Variants in TMEM132B observed in about 807,000 individuals in gnomAD.
TMEM132B encodes transmembrane protein 132B.
TMEM132B carries 18 observed loss-of-function variants against 90.8 expected under a neutral mutation model. The ratio of observed to expected loss-of-function variants is 0.20; its 90% CI spans 0.14 to 0.29. The LOEUF (loss-of-function observed/expected upper bound fraction) is 0.29. Among genes scored for constraint, TMEM132B ranks in the 10% least tolerant of loss-of-function variants. The pLI, the probability that TMEM132B is intolerant of heterozygous loss-of-function variation, is 1.00. For missense variants in TMEM132B, 1,096 were observed against 1,326.8 expected (o/e 0.83, Z 2.70); for synonymous variants, 504 against 523.3 (o/e 0.96, Z 0.50).
chr12:125,384,438 A>G (rs551447397), intron 2 of TMEM132B, among the ~76,000 whole-genome samples: 3 of 152,312 alleles, frequency 2.0e-5, no homozygotes, highest in Admixed American at 1.3e-4. Context: ...ATTTGTATTT[A>G]TGGGGTACAA....
intron 4 of TMEM132B, among the ~76,000 whole-genome samples, chr12:125,573,255 T>C (rs535148869): frequency 1.2e-4 from 19 of 152,322 alleles, no homozygotes; most frequent in African/African-American, 4.6e-4. Context: ...ACCTACGTTA[T>C]ACATAGGTAG....
At chr12:125,463,146 C>G (rs560582870) in intron 3 of TMEM132B, among the ~76,000 whole-genome samples, 1 of 152,312 alleles carries the variant, frequency 6.6e-6, no homozygotes, top group African/African-American at 2.4e-5. Context: ...AGCGTCCACT[C>G]GATACTTCTG....
rs58814308 is a variant in TMEM132B at position 125,599,291 on chromosome 12, C to T, written c.1437+15297C>T. Among the ~76,000 whole-genome samples the T allele has an allele frequency of 2.5e-3, 387 of 152,290 alleles. 1 individual carries two copies. Among genetic ancestry groups the T allele is most frequent in the African/African-American group, 9.0e-3 (372 of 41,562 alleles). On this transcript the variant is annotated intron_variant, in intron 5 of 8. Transcript: ENST00000682704. ...CCTTTGCTCCTTCTTCACCTTCTGC[C>T]GTGATTGTGAGGCCTCCCCAGACAT...
At chr12:125,523,213 C>G (rs1304360211) in intron 4 of TMEM132B, among the ~76,000 whole-genome samples, 1 of 152,174 alleles carries the variant, frequency 6.6e-6, no homozygotes, top group Non-Finnish European at 1.5e-5. Context: ...CAGATTTATT[C>G]TCTTAGAGTT....
At chr12:125,484,272 G>A (rs752526000) in intron 3 of TMEM132B, among the ~76,000 whole-genome samples, 81 of 150,734 alleles carry the variant, frequency 5.4e-4, no homozygotes, top group Non-Finnish European at 9.8e-4. Flanking sequence ...CACACGATAT[G>A]TATGAACACA....
At chr12:125,541,942 G>A (rs183699507) in intron 4 of TMEM132B, among the ~76,000 whole-genome samples, 24 of 148,224 alleles carry the variant, frequency 1.6e-4, no homozygotes, top group East Asian at 8.4e-4. Context: ...GGAGAATGGC[G>A]TGAACCCGGT....
At chr12:125,647,197 G>A (rs1472432319) in intron 6 of TMEM132B, among the ~76,000 whole-genome samples, 2 of 152,120 alleles carry the variant, frequency 1.3e-5, no homozygotes, top group East Asian at 3.9e-4. Flanking sequence ...AAAAGGGAAC[G>A]GAGCATCAGG....
chr12:125,318,330 TC>T (rs1215446100), intron 1 of TMEM132B, among the ~76,000 whole-genome samples: 2 of 151,258 alleles, frequency 1.3e-5, no homozygotes, highest in Non-Finnish European at 3.0e-5. Flanking sequence ...TTTTTTTTTT[TC>T]AAACAGAGCT....
chr12:125,611,049 T>C (rs1885812703), intron 5 of TMEM132B, among the ~76,000 whole-genome samples: 1 of 152,154 alleles, frequency 6.6e-6, no homozygotes, highest in Non-Finnish European at 1.5e-5. Flanking sequence ...CTTCTTATTT[T>C]TGATTAGTAA....
intron 1 of TMEM132B, among the ~76,000 whole-genome samples, chr12:125,312,544 G>T (rs201797955): frequency 1.3e-5 from 2 of 152,220 alleles, no homozygotes; most frequent in African/African-American, 4.8e-5. Flanking sequence ...ATGTCCCAGC[G>T]TCCTCTGGAG....
At chr12:125,321,455 T>C (rs191547712) in intron 1 of TMEM132B, among the ~76,000 whole-genome samples, 1 of 151,338 alleles carries the variant, frequency 6.6e-6, no homozygotes, top group African/African-American at 2.4e-5. Context: ...TAAAATGGTG[T>C]AGTCACTTTT....
chr12:125,216,179 A>G (rs143310085), intron 1 of TMEM132B, among the ~76,000 whole-genome samples: 1 of 152,304 alleles, frequency 6.6e-6, no homozygotes, highest in Non-Finnish European at 1.5e-5. Flanking sequence ...TGGAGGCTGG[A>G]AGTTCAAGGT....
At chr12:125,306,868 T>C (rs998276249) in intron 1 of TMEM132B, among the ~76,000 whole-genome samples, 10 of 152,246 alleles carry the variant, frequency 6.6e-5, no homozygotes, top group Non-Finnish European at 1.5e-5. Context: ...CTCTAAATAA[T>C]TGGTCATTCC....
chr12:125,386,257 G>A (rs1417186866), intron 2 of TMEM132B, among the ~76,000 whole-genome samples: 1 of 152,198 alleles, frequency 6.6e-6, no homozygotes, highest in Non-Finnish European at 1.5e-5. Flanking sequence ...CAAAGTGCTA[G>A]AATTACAGGC....
chr12:125,583,982 A>G lies in TMEM132B; in HGVS notation c.1425A>G (p.Glu475=). ...CTGTGGAATGCAAGTCTGCCGATGA[A>G]GATGTCATTAAGGTAAGGGGGGATT... is the stretch of plus-strand genomic sequence containing the variant. ...SESVECKSAD[E]DVIKVSNNCD... is the part of the protein sequence containing the mutation. The change falls in exon 5 of 9, where the codon GAA becomes GAG. Residue 475 remains glutamate (E), a synonymous_variant. Transcript: ENST00000682704. The G allele has an allele frequency of 6.2e-7, 1 of 1,614,186 alleles. No individual in the cohort carries two copies.
intron 1 of TMEM132B, among the ~76,000 whole-genome samples, chr12:125,238,989 A>G (rs764672343): frequency 6.6e-6 from 1 of 152,086 alleles, no homozygotes; most frequent in Non-Finnish European, 1.5e-5. Flanking sequence ...CTAGAGGGAG[A>G]CTGAGTTTCA....
At chr12:125,212,526 CTACTAAAAA>C (rs1251349970) in intron 1 of TMEM132B, among the ~76,000 whole-genome samples, 1 of 151,896 alleles carries the variant, frequency 6.6e-6, no homozygotes, top group Non-Finnish European at 1.5e-5. Flanking sequence ...AACCCTGTCT[CTACTAAAAA>C]TACAAAAAAT....
chr12:125,255,993 G>C (rs977722974), intron 1 of TMEM132B, among the ~76,000 whole-genome samples: 2 of 151,932 alleles, frequency 1.3e-5, no homozygotes, highest in African/African-American at 4.8e-5. Flanking sequence ...TTTGTGTGTC[G>C]CTTTTTTTTT....
chr12:125,236,791 C>T (rs192905079), intron 1 of TMEM132B, among the ~76,000 whole-genome samples: 2 of 152,362 alleles, frequency 1.3e-5, no homozygotes, highest in East Asian at 1.9e-4. Flanking sequence ...AAGCTCTTTG[C>T]CCTTAGGGCC....
Sources: gnomAD v4.1 joint callset for allele counts (sites outside exome capture counted in the v4.1 genomes callset) on GRCh38, gnomAD v4.1.1 for gene constraint, MANE v1.5 for transcripts, NCBI Gene and HGNC (gene_info 2026-07-23, HGNC 2026-07-21) for gene names.